CNTN6: variants seen among roughly 807,000 people sequenced by gnomAD.
CNTN6 encodes the protein contactin 6.
Under a neutral mutation model 122.8 loss-of-function variants are expected in CNTN6, and 137 were observed. The observed-to-expected ratio is 1.12, with a 90% CI of 0.97 to 1.29. The LOEUF is 1.29. Ranked by LOEUF, CNTN6 falls within the 50% of genes most tolerant of loss-of-function variation. CNTN6 has a pLI of 0.00. For synonymous variants in CNTN6, 570 were observed against 426.0 expected, an observed-to-expected ratio of 1.34 and a Z score of -4.16; for missense variants, 1,634 against 1,223.4, an observed-to-expected ratio of 1.34 and a Z score of -5.01.
At chr3:1,393,933 G>A (rs1694629928) in intron 20 of CNTN6, among the ~76,000 whole-genome samples, 1 of 151,996 alleles carries the variant, frequency 6.6e-6, no homozygotes. Flanking sequence ...ATATATAAAA[G>A]TGAGTAGCCC....
At chr3:1,148,137 A>C in intron 2 of CNTN6, 74 bp downstream of exon 2, 5 of 1,128,624 alleles carry the variant, frequency 4.4e-6, no homozygotes, top group Non-Finnish European at 6.6e-6. Context: ...GGGTGAAGCA[A>C]TTTTCAAAAT....
At chr3:1,301,990 G>C (rs551974) in intron 7 of CNTN6, among the ~76,000 whole-genome samples, 9,023 of 152,078 alleles carry the variant, frequency 0.059, 931 homozygotes, top group African/African-American at 0.21. Context: ...AAGGTATTTA[G>C]CAAATGCCAT....
At chr3:1,233,958 A>T (rs1165844737) in intron 4 of CNTN6, among the ~76,000 whole-genome samples, 2 of 152,122 alleles carry the variant, frequency 1.3e-5, no homozygotes, top group Non-Finnish European at 2.9e-5. Flanking sequence ...AAATGCAGTA[A>T]GAATGCATTT....
intron 2 of CNTN6, among the ~76,000 whole-genome samples, chr3:1,203,809 T>C (rs765102426): frequency 6.6e-6 from 1 of 152,238 alleles, no homozygotes; most frequent in Non-Finnish European, 1.5e-5. Context: ...AATAACATTT[T>C]GGTCAATGAC....
chr3:1,376,418 G>T (rs543195478), intron 16 of CNTN6, among the ~76,000 whole-genome samples: 1 of 152,098 alleles, frequency 6.6e-6, no homozygotes, highest in Non-Finnish European at 1.5e-5. Flanking sequence ...TCTCCCAGTC[G>T]CATTCTTGAC....
At chr3:1,390,372 G>A (rs1035052080) in intron 20 of CNTN6, among the ~76,000 whole-genome samples, 3 of 151,604 alleles carry the variant, frequency 2.0e-5, no homozygotes, top group African/African-American at 2.4e-5. Flanking sequence ...TGAGAACAAA[G>A]ACACAACATA....
intron 7 of CNTN6, among the ~76,000 whole-genome samples, chr3:1,302,422 C>G (rs1265686453): frequency 6.6e-6 from 1 of 151,946 alleles, no homozygotes; most frequent in Non-Finnish European, 1.5e-5. Flanking sequence ...TATTCATTGA[C>G]TGCTATTTAA....
intron 1 of CNTN6, among the ~76,000 whole-genome samples, chr3:1,111,298 C>G (rs1461291804): frequency 6.6e-6 from 1 of 152,098 alleles, no homozygotes; most frequent in African/African-American, 2.4e-5. Context: ...TAGTAACAAT[C>G]ACAACAAGAA....
chr3:1,404,082 C>G lies in CNTN6; in HGVS notation c.*664C>G, dbSNP rs1394614618. ...CACCTAAAATAATCTTCTAACAACTCTGGTATATATTAAGCAATTGCTCAT... is the reference window on the plus strand; with the variant it reads ...CACCTAAAATAATCTTCTAACAACTGTGGTATATATTAAGCAATTGCTCAT... On this transcript the variant is annotated 3_prime_UTR_variant, in exon 23 of 23. Transcript: ENST00000446702. The G allele has an allele frequency of 2.6e-5, 4 of 152,096 alleles. No individual in the cohort carries two copies. Among genetic ancestry groups the G allele is most frequent in the South Asian group, 2.1e-4 (1 of 4,836 alleles). The allele number at this position is 152,096 out of a possible 1,614,324, so 9.4% of individuals were successfully genotyped here.
At chr3:1,397,404 C>G (rs1257815072) in intron 20 of CNTN6, among the ~76,000 whole-genome samples, 2 of 151,916 alleles carry the variant, frequency 1.3e-5, no homozygotes, top group African/African-American at 4.8e-5. Flanking sequence ...CAGCATATGC[C>G]AAACTTCTTA....
rs72999827 is a variant in CNTN6 at position 1,158,177 on chromosome 3, C to T, written c.55+10114C>T. On this transcript the variant is annotated intron_variant, in intron 2 of 22. Transcript: ENST00000446702. The stretch of plus-strand genomic sequence containing the variant: ...GTGTATGATGGTTCCCTTTACTTCA[C>T]ATCCTTACCAGCATTTGTTATTGCC... Among the ~76,000 whole-genome samples the T allele has an allele frequency of 8.2e-3, 1,244 of 152,294 alleles. 4 individuals are homozygous for T. The highest frequency in any genetic ancestry group is 0.037 in the Middle Eastern group (11 of 294).
At chr3:1,153,152 T>C (rs2092885372) in intron 2 of CNTN6, among the ~76,000 whole-genome samples, 1 of 152,216 alleles carries the variant, frequency 6.6e-6, no homozygotes, top group African/African-American at 2.4e-5. Context: ...ACGGACTGAA[T>C]ACCTATTTGG....
chr3:1,375,622 A>G (rs1709746733), intron 16 of CNTN6, among the ~76,000 whole-genome samples: 1 of 152,056 alleles, frequency 6.6e-6, no homozygotes, highest in Non-Finnish European at 1.5e-5. Flanking sequence ...GCAGTTAGTC[A>G]CTCTAAGCTG....
intron 4 of CNTN6, among the ~76,000 whole-genome samples, chr3:1,237,420 A>G (rs1258680412): frequency 1.3e-5 from 2 of 152,166 alleles, no homozygotes; most frequent in Non-Finnish European, 2.9e-5. Context: ...CCCAAACCTA[A>G]GAATAATTGG....
chr3:1,376,666 A>G (rs115929301), intron 16 of CNTN6, among the ~76,000 whole-genome samples: 2,476 of 152,250 alleles, frequency 0.016, 28 homozygotes, highest in Non-Finnish European at 0.026. Flanking sequence ...TTACAGCTCA[A>G]CTGTATAATT....
At chr3:1,204,144 TTA>T (rs1354991436) in intron 2 of CNTN6, among the ~76,000 whole-genome samples, 4 of 152,208 alleles carry the variant, frequency 2.6e-5, no homozygotes, top group Non-Finnish European at 4.4e-5. Flanking sequence ...TTCCAAATGT[TTA>T]TGTTATTAGT....
intron 3 of CNTN6, among the ~76,000 whole-genome samples, chr3:1,224,532 T>C (rs570380011): frequency 6.6e-6 from 1 of 152,072 alleles, no homozygotes; most frequent in Non-Finnish European, 1.5e-5. Flanking sequence ...CATTACTCCC[T>C]ATAAATATGT....
At chr3:1,100,165 T>A (rs2090806618) in intron 1 of CNTN6, among the ~76,000 whole-genome samples, 1 of 152,194 alleles carries the variant, frequency 6.6e-6, no homozygotes, top group Non-Finnish European at 1.5e-5. Context: ...TCTCTTCTTG[T>A]GCTCTGAAGA....
At chr3:1,197,222 C>T (rs981119797) in intron 2 of CNTN6, among the ~76,000 whole-genome samples, 1 of 152,140 alleles carries the variant, frequency 6.6e-6, no homozygotes. Context: ...TCATCTCTCA[C>T]CCATCTGCAA....
Sources: gnomAD v4.1 joint callset for allele counts (sites outside exome capture counted in the v4.1 genomes callset) on GRCh38, gnomAD v4.1.1 for gene constraint, MANE v1.5 for transcripts, NCBI Gene and HGNC (gene_info 2026-07-23, HGNC 2026-07-21) for gene names.